Variants in PTPRD observed in about 807,000 individuals in gnomAD.
PTPRD encodes the protein receptor-type tyrosine-protein phosphatase delta.
In PTPRD, 34 loss-of-function variants were observed where a neutral mutation model predicts 214.5. The observed-to-expected ratio is 0.16, with a 90% CI of 0.12 to 0.21. The LOEUF is 0.21. PTPRD is among the 10% of genes least tolerant of loss of function. The pLI, the probability that PTPRD is intolerant of heterozygous loss-of-function variation, is 1.00. For synonymous variants in PTPRD, 1,128 were observed against 845.7 expected (o/e 1.33, Z -5.79); for missense variants, 2,545 against 2,398.7 (o/e 1.06, Z -1.27).
intron 9 of PTPRD, among the ~76,000 whole-genome samples, chr9:9,243,480 T>C (rs746405612): frequency 1.3e-5 from 2 of 152,044 alleles, no homozygotes; most frequent in African/African-American, 4.8e-5. Flanking sequence ...GCAAGGCTGG[T>C]TCAACATATG....
At chr9:9,375,163 T>G (rs543209893) in intron 9 of PTPRD, among the ~76,000 whole-genome samples, 1 of 152,324 alleles carries the variant, frequency 6.6e-6, no homozygotes, top group South Asian at 2.1e-4. Flanking sequence ...ATAAATTTTC[T>G]ACATCATACT....
intron 3 of PTPRD, among the ~76,000 whole-genome samples, chr9:10,315,098 T>C (rs756727234): frequency 1.3e-5 from 2 of 151,978 alleles, no homozygotes; most frequent in Non-Finnish European, 2.9e-5. Flanking sequence ...TGTATGCACA[T>C]GTAGTTCATT....
chr9:8,615,899 A>G (rs1209240491), intron 14 of PTPRD, among the ~76,000 whole-genome samples: 1 of 152,156 alleles, frequency 6.6e-6, no homozygotes, highest in African/African-American at 2.4e-5. Flanking sequence ...TGAAATATCA[A>G]TATATGTCAG....
At chr9:8,730,056 A>C (rs1210132963) in intron 12 of PTPRD, among the ~76,000 whole-genome samples, 1 of 152,142 alleles carries the variant, frequency 6.6e-6, no homozygotes, top group Non-Finnish European at 1.5e-5. Flanking sequence ...GGAGATCAAG[A>C]CCATCCTGGC....
chr9:9,910,625 G>C (rs1348499855), intron 5 of PTPRD, among the ~76,000 whole-genome samples: 4 of 151,876 alleles, frequency 2.6e-5, no homozygotes, highest in Non-Finnish European at 5.9e-5. Flanking sequence ...TTAATTGCTT[G>C]TGGAATTAGG....
In PTPRD at chr9:9,352,852, A is replaced by C. The variant is rs558940192; in HGVS notation, c.-203+44597T>G. Among the ~76,000 whole-genome samples the C allele has an allele frequency of 4.6e-5, 7 of 152,094 alleles. 1 individual carries two copies. The South Asian group carries it at 1.5e-3, about 32-fold the overall frequency. ...ATTGAGAAAAAGTCATGCATAAAAA[A>C]GGTAGGACGTGGTTCTTTTTGCTTA... On this transcript the variant is annotated intron_variant, in intron 9 of 45. Transcript: ENST00000381196.
chr9:9,693,470 T>G (rs1284736489), intron 7 of PTPRD, among the ~76,000 whole-genome samples: 1 of 152,168 alleles, frequency 6.6e-6, no homozygotes, highest in Non-Finnish European at 1.5e-5. Context: ...CATGTGCAAC[T>G]ATGAGTCATT....
At chr9:8,909,804 G>C (rs903267008) in intron 11 of PTPRD, among the ~76,000 whole-genome samples, 6 of 147,360 alleles carry the variant, frequency 4.1e-5, no homozygotes, top group African/African-American at 7.5e-5. Flanking sequence ...GACAGAGATA[G>C]AGACAGAGAT....
chr9:9,664,357 A>C (rs1046869893), intron 7 of PTPRD, among the ~76,000 whole-genome samples: 11 of 151,746 alleles, frequency 7.2e-5, no homozygotes, highest in African/African-American at 2.6e-4. Flanking sequence ...ATCAACTTCT[A>C]ATACTGCTTC....
chr9:9,145,726 G>T (rs750897534), intron 10 of PTPRD, among the ~76,000 whole-genome samples: 7 of 152,046 alleles, frequency 4.6e-5, no homozygotes, highest in Non-Finnish European at 8.8e-5. Context: ...AGCAAGGAGG[G>T]AACACAGTAG....
intron 8 of PTPRD, among the ~76,000 whole-genome samples, chr9:9,478,043 G>T (rs981946289): frequency 1.3e-5 from 2 of 152,152 alleles, no homozygotes; most frequent in Non-Finnish European, 2.9e-5. Flanking sequence ...CACATGGACC[G>T]TTCTGAAAAA....
intron 11 of PTPRD, among the ~76,000 whole-genome samples, chr9:8,788,237 T>C (rs11793026): frequency 0.15 from 22,865 of 149,594 alleles, 2,201 homozygotes; most frequent in East Asian, 0.4. Context: ...CAAATATTTT[T>C]GGTTCATATA....
intron 18 of PTPRD, chr9:8,524,643 A>G: frequency 2.1e-6 from 1 of 484,558 alleles, no homozygotes. Flanking sequence ...ACAAATGCAA[A>G]GCACAGTTCA....
rs16929435 is a variant in PTPRD, at chr9:9,456,020, A to G, written c.-236-58538T>C. ...GCCATATTTATTGATAAATGTTGCCAAAGTTAAATTGGCAACAACCAAACA... is the reference window on the plus strand; with the variant it reads ...GCCATATTTATTGATAAATGTTGCCGAAGTTAAATTGGCAACAACCAAACA... On this transcript the variant is annotated intron_variant, in intron 8 of 45. Coordinates refer to ENST00000381196, the MANE Select transcript of PTPRD (RefSeq NM_002839.4). Among the ~76,000 whole-genome samples, 920 of 151,996 alleles carry G rather than the reference A, an allele frequency of 6.1e-3. 11 individuals are homozygous for G. Among genetic ancestry groups the G allele is most frequent in the African/African-American group, 0.022 (896 of 41,538 alleles).
At chr9:8,365,643 AGTT>A (rs953926366) in intron 39 of PTPRD, among the ~76,000 whole-genome samples, 3 of 152,110 alleles carry the variant, frequency 2.0e-5, no homozygotes, top group Non-Finnish European at 4.4e-5. Context: ...GTCATAAATG[AGTT>A]GTTGTTTTCC....
chr9:8,633,591 T>A, intron 13 of PTPRD, 133 bp from the exon 14 acceptor site: 2 of 1,017,950 alleles, frequency 2.0e-6, no homozygotes, highest in Non-Finnish European at 2.8e-6. Flanking sequence ...TGAATTTTGA[T>A]ATAGTGGTGA....
chr9:9,030,017 G>A (rs2099599470), intron 10 of PTPRD, among the ~76,000 whole-genome samples: 1 of 151,900 alleles, frequency 6.6e-6, no homozygotes, highest in Non-Finnish European at 1.5e-5. Context: ...GGTTGAAAAT[G>A]GATGATCTAC....
At chr9:10,574,670 T>G (rs1300449268) in intron 2 of PTPRD, among the ~76,000 whole-genome samples, 2 of 151,916 alleles carry the variant, frequency 1.3e-5, no homozygotes, top group Non-Finnish European at 2.9e-5. Context: ...AGAAAATGAA[T>G]CATTATATGA....
intron 4 of PTPRD, among the ~76,000 whole-genome samples, chr9:10,009,316 G>A (rs2096550715): frequency 1.4e-5 from 2 of 141,866 alleles, no homozygotes; most frequent in Non-Finnish European, 3.2e-5. Flanking sequence ...ATCCAAGGTG[G>A]TTGGGTTACA....
Sources: allele counts gnomAD v4.1 joint callset (sites outside exome capture counted in the v4.1 genomes callset), GRCh38; gene constraint gnomAD v4.1.1; transcripts MANE v1.5; gene names NCBI Gene and HGNC (gene_info 2026-07-23, HGNC 2026-07-21).